The following KIAA1549L variants were observed in gnomAD, a reference collection of about 807,000 sequenced individuals.
KIAA1549L encodes the protein UPF0606 protein KIAA1549L.
In KIAA1549L, 88 loss-of-function variants were observed where a neutral mutation model predicts 160.7. That is an observed-to-expected ratio of 0.55 (90% confidence interval 0.46 to 0.65). KIAA1549L has a LOEUF of 0.65. Ranked by LOEUF, KIAA1549L falls within the 30% of genes least tolerant of loss-of-function variation. The probability of loss-of-function intolerance (pLI) is 0.00; values close to 1 mark genes in which losing one functional copy is unlikely to be tolerated. For synonymous variants in KIAA1549L, 950 were observed against 976.7 expected (o/e 0.97, Z 0.51); for missense variants, 2,258 against 2,437.5 (o/e 0.93, Z 1.55).
At chr11:33,385,950 C>T (rs1850165037) in intron 1 of KIAA1549L, among the ~76,000 whole-genome samples, 2 of 152,146 alleles carry the variant, frequency 1.3e-5, no homozygotes, top group Admixed American at 1.3e-4. Flanking sequence ...ATATGACCCT[C>T]CTAAACTCAT....
chr11:33,506,475 C>T (rs1653033607), intron 1 of KIAA1549L, among the ~76,000 whole-genome samples: 1 of 152,166 alleles, frequency 6.6e-6, no homozygotes, highest in Admixed American at 6.5e-5. Context: ...CCTGTAATAT[C>T]AGCACTTTGG....
intron 16 of KIAA1549L, among the ~76,000 whole-genome samples, chr11:33,624,604 C>G (rs567079867): frequency 6.6e-6 from 1 of 152,184 alleles, no homozygotes; most frequent in South Asian, 2.1e-4. Context: ...AGCCAAAAAA[C>G]TAGCTTTTAC....
intron 1 of KIAA1549L, among the ~76,000 whole-genome samples, chr11:33,454,393 A>G (rs1851780130): frequency 6.6e-6 from 1 of 152,188 alleles, no homozygotes; most frequent in Non-Finnish European, 1.5e-5. Flanking sequence ...ATAGGCAGAC[A>G]CCCTGACAGT....
Position 33,637,928 on chromosome 11 carries a change from C to T in KIAA1549L, c.5410-7758C>T, listed in dbSNP as rs551566667. ...GTGGGGGACACAGTTCATTCTGTAACAGTCCTTTCTTTTTCTCAAGCACTA... is the reference window on the plus strand; with the variant it reads ...GTGGGGGACACAGTTCATTCTGTAATAGTCCTTTCTTTTTCTCAAGCACTA... On this transcript the variant is annotated intron_variant, in intron 16 of 20. Transcript: ENST00000658780. 2.2e-4 allele frequency among the ~76,000 whole-genome samples: 34 copies of T among 152,260 alleles called. No individual in the cohort carries two copies. In the South Asian group the frequency reaches 4.6e-3, roughly 20 times the overall value.
chr11:33,629,959 T>G (rs920848987), intron 16 of KIAA1549L, among the ~76,000 whole-genome samples: 173 of 151,070 alleles, frequency 1.1e-3, no homozygotes, highest in Non-Finnish European at 1.6e-3. Flanking sequence ...GTACAGATGG[T>G]TTTTTGGTGT....
At chr11:33,496,067 G>T (rs1852811449) in intron 1 of KIAA1549L, among the ~76,000 whole-genome samples, 1 of 152,156 alleles carries the variant, frequency 6.6e-6, no homozygotes, top group Non-Finnish European at 1.5e-5. Flanking sequence ...GGTTCAAGCA[G>T]TTATCCCTGC....
At chr11:33,417,028 T>G (rs1359169300) in intron 1 of KIAA1549L, among the ~76,000 whole-genome samples, 3 of 152,226 alleles carry the variant, frequency 2.0e-5, no homozygotes, top group Non-Finnish European at 4.4e-5. Flanking sequence ...CTGCATTTGA[T>G]GGAAATGTTC....
At chr11:33,614,958 C>G (rs980813188) in intron 15 of KIAA1549L, among the ~76,000 whole-genome samples, 3 of 151,312 alleles carry the variant, frequency 2.0e-5, no homozygotes, top group African/African-American at 7.3e-5. Context: ...ATTGGCCATG[C>G]CATACCTAAA....
chr11:33,651,542 G>T (rs1250210708), intron 17 of KIAA1549L, among the ~76,000 whole-genome samples: 1 of 152,078 alleles, frequency 6.6e-6, no homozygotes, highest in South Asian at 2.1e-4. Flanking sequence ...AAGAACTATG[G>T]AGGAAAAATG....
intron 10 of KIAA1549L, among the ~76,000 whole-genome samples, chr11:33,580,935 G>A (rs768497923): frequency 1.3e-5 from 2 of 152,194 alleles, no homozygotes; most frequent in Admixed American, 6.5e-5. Context: ...GAATCACTGA[G>A]GAAGTAACCC....
intron 11 of KIAA1549L, among the ~76,000 whole-genome samples, chr11:33,586,776 C>T (rs1033514353): frequency 5.3e-5 from 8 of 152,088 alleles, no homozygotes; most frequent in African/African-American, 1.2e-4. Context: ...GCTCTGTGAG[C>T]CTGGGTAAGC....
At chr11:33,499,350 C>G (rs899296194) in intron 1 of KIAA1549L, among the ~76,000 whole-genome samples, 5 of 152,194 alleles carry the variant, frequency 3.3e-5, no homozygotes, top group African/African-American at 1.2e-4. Flanking sequence ...GACTTGTGTA[C>G]AAACTCTCAT....
Position 33,542,151 on chromosome 11 carries a change from G to C in KIAA1549L, c.588G>C (p.Leu196Phe), listed in dbSNP as rs1854040629. 5.2e-6 allele frequency: 3 copies of C among 582,180 alleles called. No individual in the cohort carries two copies. The highest frequency in any genetic ancestry group is 1.8e-5 in the African/African-American group (1 of 54,464). 36.1% of individuals were successfully genotyped at this position (582,180 alleles called of 1,614,324 possible). The change falls in exon 2 of 21, where the codon TTG becomes TTC. Residue 196 changes from leucine (L) to phenylalanine (F), a missense_variant. By Grantham distance (22) the Leu-to-Phe change is conservative. Coordinates refer to ENST00000658780, the MANE Select transcript of KIAA1549L (RefSeq NM_012194.3). ...GGQEAADVSG[L>F]PLTSMLPSLS... Reference sequence around the variant, plus strand: ...AAGAAGCAGCCGATGTGTCAGGTTTGCCTCTCACCAGCATGCTCCCCTCGT... The same window carrying C: ...AAGAAGCAGCCGATGTGTCAGGTTTCCCTCTCACCAGCATGCTCCCCTCGT...
At position 33,562,016 on chromosome 11, in the gene KIAA1549L, A is replaced by G. The variant is rs369097174; in HGVS notation, c.4078+281A>G. 5.4e-4 allele frequency among the ~76,000 whole-genome samples: 83 copies of G among 152,358 alleles called. No homozygotes were observed. In the South Asian group the frequency reaches 0.017, roughly 31 times the overall value. ...TTACAATGTTAACCGAAGAAGGTCT[A>G]GGGCATCAGTTTATAGTGAATGGTT... is the stretch of plus-strand genomic sequence containing the variant. On this transcript the variant is annotated intron_variant, in intron 8 of 20. Transcript: ENST00000658780.
intron 1 of KIAA1549L, among the ~76,000 whole-genome samples, chr11:33,434,199 A>C (rs1851309748): frequency 6.6e-6 from 1 of 152,132 alleles, no homozygotes; most frequent in Non-Finnish European, 1.5e-5. Flanking sequence ...GGTGGAGATA[A>C]TTGAATCATG....
intron 1 of KIAA1549L, among the ~76,000 whole-genome samples, chr11:33,530,991 A>G (rs1853756718): frequency 6.6e-6 from 1 of 152,222 alleles, no homozygotes; most frequent in East Asian, 1.9e-4. Context: ...TCATCTGGAA[A>G]TAAAATTTAC....
chr11:33,423,230 G>A (rs1330411416), intron 1 of KIAA1549L, among the ~76,000 whole-genome samples: 3 of 152,158 alleles, frequency 2.0e-5, no homozygotes, highest in Non-Finnish European at 4.4e-5. Context: ...CACTAAAAGG[G>A]TTAGGACATC....
intron 15 of KIAA1549L, among the ~76,000 whole-genome samples, chr11:33,617,793 A>G (rs1038177256): frequency 1.5e-4 from 18 of 116,202 alleles, no homozygotes; most frequent in Non-Finnish European, 2.5e-4. Context: ...GCCTCGGTGG[A>G]TGGATGGATG....
chr11:33,529,257 C>T (rs184932790), intron 1 of KIAA1549L, among the ~76,000 whole-genome samples: 168 of 152,078 alleles, frequency 1.1e-3, no homozygotes, highest in African/African-American at 3.8e-3. Flanking sequence ...ATCATCTGAG[C>T]CCAGGAGGTT....
Sources: gnomAD v4.1 joint callset for allele counts (sites outside exome capture counted in the v4.1 genomes callset) on GRCh38, gnomAD v4.1.1 for gene constraint, MANE v1.5 for transcripts, NCBI Gene and HGNC (gene_info 2026-07-23, HGNC 2026-07-21) for gene names.